USP10: variants seen among roughly 807,000 people sequenced by gnomAD.
USP10 encodes ubiquitin carboxyl-terminal hydrolase 10.
USP10 carries 22 observed loss-of-function variants against 84.5 expected under a neutral mutation model. The ratio of observed to expected loss-of-function variants is 0.26; its 90% CI spans 0.19 to 0.37. USP10 has a LOEUF of 0.37. Ranked by LOEUF, USP10 falls within the 10% of genes least tolerant of loss-of-function variation. USP10 has a pLI of 1.00. For missense variants in USP10, 1,019 were observed against 998.9 expected, an observed-to-expected ratio of 1.02 and a Z score of -0.27; for synonymous variants, 454 against 387.6, an observed-to-expected ratio of 1.17 and a Z score of -2.01.
intron 4 of USP10, among the ~76,000 whole-genome samples, chr16:84,752,838 A>T (rs1039380646): frequency 1.3e-5 from 2 of 152,228 alleles, no homozygotes; most frequent in Non-Finnish European, 2.9e-5. Context: ...TACGTGTGAG[A>T]TGTTACAAAA....
intron 1 of USP10, among the ~76,000 whole-genome samples, chr16:84,731,522 C>T (rs1909230086): frequency 6.6e-6 from 1 of 151,924 alleles, no homozygotes; most frequent in South Asian, 2.1e-4. Flanking sequence ...TTTCCTCCCC[C>T]CAAGAAAAAG....
At chr16:84,758,318 C>A (rs182285739) in intron 4 of USP10, among the ~76,000 whole-genome samples, 1 of 152,152 alleles carries the variant, frequency 6.6e-6, no homozygotes, top group Non-Finnish European at 1.5e-5. Flanking sequence ...ATCTTTCTAT[C>A]TAGTGTCTGA....
chr16:84,720,813 A>C lies in USP10; in HGVS notation c.22-12622A>C, dbSNP rs185162940. Among the ~76,000 whole-genome samples, 969 of 149,722 alleles carry C rather than the reference A, an allele frequency of 6.5e-3. 2 individuals are homozygous for C. The highest frequency in any genetic ancestry group is 0.018 in the Middle Eastern group (5 of 282). On this transcript the variant is annotated intron_variant, in intron 1 of 13. Transcript: ENST00000219473. The stretch of plus-strand genomic sequence containing the variant: ...TAGCGGGGATGGTCTCGATCTCCTG[A>C]CCTCATGATCTGCCCACCTCGACGT...
chr16:84,739,850 G>C (rs144168149), intron 2 of USP10, among the ~76,000 whole-genome samples: 1 of 152,194 alleles, frequency 6.6e-6, no homozygotes, highest in Non-Finnish European at 1.5e-5. Context: ...TCTGCTCTCC[G>C]ACCATGGACC....
At position 84,744,616 on chromosome 16, in the gene USP10, G is replaced by A. The variant is rs3751759; in HGVS notation, c.152-17G>A. Reference sequence around the variant, plus strand: ...TGTAGAACTGGGTTCTTAACTAATAGTTTTCTTTCTAAACAGGACAAGAAT... The same window carrying A: ...TGTAGAACTGGGTTCTTAACTAATAATTTTCTTTCTAAACAGGACAAGAAT... On this transcript the variant is annotated splice_polypyrimidine_tract_variant and intron_variant, in intron 3 of 13. Coordinates refer to ENST00000219473, the MANE Select transcript of USP10 (RefSeq NM_005153.3). The A allele has an allele frequency of 0.22, 347,698 of 1,572,212 alleles. 41,065 individuals carry two copies. Among genetic ancestry groups the A allele is most frequent in the Admixed American group, 0.4 (20,971 of 52,478 alleles).
chr16:84,716,597 C>G (rs1460064334), intron 1 of USP10: 2 of 152,098 alleles, frequency 1.3e-5, no homozygotes, highest in Non-Finnish European at 2.9e-5. Context: ...GGAGGTGATG[C>G]CTGCGTTGAG....
intron 8 of USP10, among the ~76,000 whole-genome samples, chr16:84,762,518 C>G (rs1913321843): frequency 6.6e-6 from 1 of 152,004 alleles, no homozygotes; most frequent in Non-Finnish European, 1.5e-5. Flanking sequence ...TGGTGAAACC[C>G]CGTCTCTACT....
At chr16:84,725,819 A>G (rs1379432807) in intron 1 of USP10, among the ~76,000 whole-genome samples, 1 of 152,238 alleles carries the variant, frequency 6.6e-6, no homozygotes, top group Non-Finnish European at 1.5e-5. Context: ...CATTTTGTAG[A>G]TGAGATTAAG....
chr16:84,712,707 C>T (rs1906476117), intron 1 of USP10, among the ~76,000 whole-genome samples: 1 of 152,180 alleles, frequency 6.6e-6, no homozygotes, highest in Non-Finnish European at 1.5e-5. Flanking sequence ...GTCATTTCTG[C>T]ATTTAGAATG....
intron 12 of USP10, among the ~76,000 whole-genome samples, chr16:84,774,684 A>G (rs551461090): frequency 6.6e-6 from 1 of 152,084 alleles, no homozygotes; most frequent in Non-Finnish European, 1.5e-5. Context: ...ATTAGCCAGG[A>G]TGGTCTCGAT....
chr16:84,760,305 C>A (rs1367398158), intron 8 of USP10, 30 bp downstream of exon 8: 2 of 1,552,572 alleles, frequency 1.3e-6, no homozygotes, highest in South Asian at 2.4e-5. Flanking sequence ...TCACTAGTAT[C>A]AAGTGTTGCC....
chr16:84,732,332 T>TACTGATCA, intron 1 of USP10: 1 of 349,496 alleles, frequency 2.9e-6, no homozygotes, highest in Non-Finnish European at 5.5e-6. Flanking sequence ...TTATACCCAG[T>TACTGATCA]ACTGATCATA....
At chr16:84,771,499 A>AAAAC (rs1256293072) in intron 11 of USP10, among the ~76,000 whole-genome samples, 1 of 152,162 alleles carries the variant, frequency 6.6e-6, no homozygotes, top group Non-Finnish European at 1.5e-5. Flanking sequence ...CTGTCTTAAA[A>AAAAC]AAACAAACAA....
At chr16:84,717,774 C>G (rs1907239534) in intron 1 of USP10, among the ~76,000 whole-genome samples, 1 of 152,108 alleles carries the variant, frequency 6.6e-6, no homozygotes. Flanking sequence ...GCTTCTACTG[C>G]CTTTGATTCA....
chr16:84,731,708 GTTTT>G (rs1555539953), intron 1 of USP10, among the ~76,000 whole-genome samples: 1 of 151,368 alleles, frequency 6.6e-6, no homozygotes, highest in Non-Finnish European at 1.5e-5. Context: ...GTTCTGTTGA[GTTTT>G]TTAATTTAGT....
intron 3 of USP10, 65 bp downstream of exon 3, chr16:84,740,434 A>G (rs964370874): frequency 3.1e-6 from 4 of 1,292,902 alleles, no homozygotes; most frequent in Non-Finnish European, 4.4e-6. Context: ...TGGGCAGGCT[A>G]CCTGTAAACA....
chr16:84,721,571 A>G (rs1907818541), intron 1 of USP10, among the ~76,000 whole-genome samples: 1 of 152,198 alleles, frequency 6.6e-6, no homozygotes. Context: ...TCTGTCTCCC[A>G]GGCTGGAGTG....
chr16:84,751,508 T>A (rs1911933922), intron 4 of USP10, among the ~76,000 whole-genome samples: 1 of 152,246 alleles, frequency 6.6e-6, no homozygotes, highest in Non-Finnish European at 1.5e-5. Flanking sequence ...TCCACCCTTG[T>A]GGACTGAGAG....
At chr16:84,735,119 C>T (rs1043340047) in intron 2 of USP10, among the ~76,000 whole-genome samples, 15 of 151,984 alleles carry the variant, frequency 9.9e-5, no homozygotes, top group Admixed American at 1.3e-4. Flanking sequence ...TTTGACCCCC[C>T]GCCCCGCCTC....
Sources: gnomAD v4.1 joint callset for allele counts (sites outside exome capture counted in the v4.1 genomes callset) on GRCh38, gnomAD v4.1.1 for gene constraint, MANE v1.5 for transcripts, NCBI Gene and HGNC (gene_info 2026-07-23, HGNC 2026-07-21) for gene names.